The following JAK1 variants were observed in gnomAD, a reference collection of about 807,000 sequenced individuals.
JAK1 encodes the protein tyrosine-protein kinase JAK1.
In JAK1, 16 loss-of-function variants were observed where a neutral mutation model predicts 136.6. The observed-to-expected ratio is 0.12, with a 90% CI of 0.08 to 0.18. The LOEUF (loss-of-function observed/expected upper bound fraction) is 0.18. Among genes scored for constraint, JAK1 ranks in the 10% least tolerant of loss-of-function variants. The pLI is 1.00. For missense variants in JAK1, 859 were observed against 1,450.1 expected (o/e 0.59, Z 6.62); for synonymous variants, 492 against 519.5 (o/e 0.95, Z 0.72).
intron 2 of JAK1, among the ~76,000 whole-genome samples, chr1:64,982,769 C>CTT (rs60484449): frequency 3.3e-5 from 5 of 151,398 alleles, no homozygotes; most frequent in African/African-American, 9.7e-5. Flanking sequence ...TATTTTCTGT[C>CTT]TTTTTTTTTC....
At chr1:64,913,686 A>AGGAAGGAG (rs1645333264) in intron 1 of JAK1, among the ~76,000 whole-genome samples, 4 of 28,904 alleles carry the variant, frequency 1.4e-4, no homozygotes, top group African/African-American at 4.2e-4. Context: ...GAAGGAAGGA[A>AGGAAGGAG]GGAAGGAAGG....
intron 2 of JAK1, among the ~76,000 whole-genome samples, chr1:65,000,867 G>A (rs1416692044): frequency 6.6e-6 from 1 of 151,512 alleles, no homozygotes; most frequent in Non-Finnish European, 1.5e-5. Flanking sequence ...TTTTGGTGGG[G>A]GGGCGGTTGG....
intron 8 of JAK1, among the ~76,000 whole-genome samples, chr1:64,864,277 G>A (rs931755297): frequency 6.6e-6 from 1 of 152,184 alleles, no homozygotes; most frequent in African/African-American, 2.4e-5. Flanking sequence ...TTTAGATTAT[G>A]TCCTCAAGTG....
intron 1 of JAK1, among the ~76,000 whole-genome samples, chr1:64,955,040 T>C (rs1049980687): frequency 2.0e-5 from 3 of 152,218 alleles, no homozygotes; most frequent in African/African-American, 7.2e-5. Flanking sequence ...GTACCACCTA[T>C]ACAAGAATCA....
chr1:64,933,624 G>A (rs57633345), intron 1 of JAK1, among the ~76,000 whole-genome samples: 3,113 of 152,204 alleles, frequency 0.02, 118 homozygotes, highest in African/African-American at 0.072. Flanking sequence ...ATGACACATC[G>A]TATGCCCTTC....
intron 1 of JAK1, among the ~76,000 whole-genome samples, chr1:64,911,388 C>G (rs577072779): frequency 5.0e-4 from 76 of 152,318 alleles, no homozygotes; most frequent in African/African-American, 1.5e-3. Flanking sequence ...CCCAGGCAAA[C>G]AGAGACATAT....
chr1:64,964,083 G>A (rs1299533632), intron 1 of JAK1, among the ~76,000 whole-genome samples: 1 of 152,160 alleles, frequency 6.6e-6, no homozygotes, highest in Non-Finnish European at 1.5e-5. Flanking sequence ...ATACCACTGA[G>A]CCACAATAAT....
At chr1:65,043,410 T>C (rs1171927567) in intron 2 of JAK1, among the ~76,000 whole-genome samples, 2 of 152,106 alleles carry the variant, frequency 1.3e-5, no homozygotes, top group African/African-American at 2.4e-5. Flanking sequence ...ATGTATAGAC[T>C]TCAGATAATA....
At chr1:65,037,662 A>C (rs1319897296) in intron 2 of JAK1, among the ~76,000 whole-genome samples, 1 of 152,172 alleles carries the variant, frequency 6.6e-6, no homozygotes, top group African/African-American at 2.4e-5. Context: ...CAGGAGCTGG[A>C]GACCAGCCTG....
At chr1:65,066,211 C>T (rs1254873716) in intron 1 of JAK1, among the ~76,000 whole-genome samples, 1 of 152,120 alleles carries the variant, frequency 6.6e-6, no homozygotes, top group African/African-American at 2.4e-5. Context: ...GGAAAGAATT[C>T]CTCGCACAGG....
At chr1:65,002,715 C>A (rs1015488140) in intron 2 of JAK1, among the ~76,000 whole-genome samples, 1 of 152,222 alleles carries the variant, frequency 6.6e-6, no homozygotes, top group Non-Finnish European at 1.5e-5. Context: ...GCGGGGGCAC[C>A]GCGCAGTTGG....
chr1:65,018,935 C>A (rs901249124), intron 2 of JAK1, among the ~76,000 whole-genome samples: 1 of 152,122 alleles, frequency 6.6e-6, no homozygotes, highest in African/African-American at 2.4e-5. Flanking sequence ...GGGGTGAACC[C>A]AGGAGGCGGA....
chr1:65,020,053 C>G (rs978721670), intron 2 of JAK1, among the ~76,000 whole-genome samples: 1 of 151,702 alleles, frequency 6.6e-6, no homozygotes, highest in Non-Finnish European at 1.5e-5. Context: ...TGGTGAAACC[C>G]CATCTCTACT....
chr1:64,871,127 C>A (rs977272601), intron 5 of JAK1, among the ~76,000 whole-genome samples: 2 of 152,176 alleles, frequency 1.3e-5, no homozygotes, highest in Non-Finnish European at 2.9e-5. Flanking sequence ...ATGGCCAGTT[C>A]ATTTTCTTTT....
chr1:64,879,280 G>C (rs1276594762), intron 3 of JAK1, 132 bp from the exon 4 acceptor site: 6 of 1,035,738 alleles, frequency 5.8e-6, no homozygotes, highest in Non-Finnish European at 8.3e-6. Context: ...TATCCTCTTA[G>C]GGCAAACAGA....
At chr1:64,857,574 C>T in intron 10 of JAK1, 82 bp downstream of exon 10, 2 of 1,562,306 alleles carry the variant, frequency 1.3e-6, no homozygotes, top group Non-Finnish European at 1.7e-6. Flanking sequence ...AAGGGTGGTT[C>T]TGTCTGCAGC....
At chr1:65,014,729 G>A (rs937114091) in intron 2 of JAK1, among the ~76,000 whole-genome samples, 1 of 150,494 alleles carries the variant, frequency 6.6e-6, no homozygotes, top group African/African-American at 2.4e-5. Flanking sequence ...CTGTCGCCCA[G>A]GCTGGAGTGC....
At chr1:64,956,240 C>T (rs988298704) in intron 1 of JAK1, among the ~76,000 whole-genome samples, 6 of 152,134 alleles carry the variant, frequency 3.9e-5, no homozygotes, top group South Asian at 2.1e-4. Flanking sequence ...TGGATAGAGA[C>T]GGTATTAACC....
At chr1:64,858,240 C>G (rs1656066430) in intron 9 of JAK1, among the ~76,000 whole-genome samples, 1 of 152,162 alleles carries the variant, frequency 6.6e-6, no homozygotes, top group South Asian at 2.1e-4. Flanking sequence ...GAGGACTGGA[C>G]AGATGTTAGT....
Sources: gnomAD v4.1 joint callset for allele counts (sites outside exome capture counted in the v4.1 genomes callset) on GRCh38, gnomAD v4.1.1 for gene constraint, MANE v1.5 for transcripts, NCBI Gene and HGNC (gene_info 2026-07-23, HGNC 2026-07-21) for gene names.